The following ANKFN1 variants were observed in gnomAD, a reference collection of about 807,000 sequenced individuals.
The protein encoded by ANKFN1 is ankyrin repeat and fibronectin type III domain containing 1.
ANKFN1 carries 74 observed loss-of-function variants against 108.7 expected under a neutral mutation model. The ratio of observed to expected loss-of-function variants is 0.68; its 90% CI spans 0.56 to 0.83. The LOEUF is 0.83. ANKFN1 is among the 40% of genes least tolerant of loss of function. The pLI, the probability that ANKFN1 is intolerant of heterozygous loss-of-function variation, is 0.00. For synonymous variants in ANKFN1, 547 were observed against 516.2 expected, an observed-to-expected ratio of 1.06 and a Z score of -0.81; for missense variants, 1,505 against 1,382.3, an observed-to-expected ratio of 1.09 and a Z score of -1.41.
At chr17:56,188,526 GAAATA>G (rs1179611630) in intron 1 of ANKFN1, among the ~76,000 whole-genome samples, 5 of 128,368 alleles carry the variant, frequency 3.9e-5, no homozygotes, top group Non-Finnish European at 6.4e-5. Context: ...TTATATATAA[GAAATA>G]AAATAAGATG....
rs114260947 is a variant in ANKFN1, at chr17:56,311,981, C to T, written c.54-14240C>T. 8.4e-3 allele frequency among the ~76,000 whole-genome samples: 1,274 copies of T among 152,274 alleles called. 30 individuals carry two copies. The highest frequency in any genetic ancestry group is 0.029 in the African/African-American group (1,220 of 41,554). ...TCTGATCACAGAATCTAGAACTCTT[C>T]GCGGTCTCCTCTTCAGGCCTATGGT... On this transcript the variant is annotated intron_variant, in intron 3 of 20. Transcript: ENST00000682825.
At chr17:56,382,684 C>T (rs1473467230) in intron 8 of ANKFN1, among the ~76,000 whole-genome samples, 1 of 152,144 alleles carries the variant, frequency 6.6e-6, no homozygotes, top group Non-Finnish European at 1.5e-5. Context: ...CAATCCTAGT[C>T]TCTGATAAAA....
At chr17:56,195,852 G>A (rs975049210) in intron 1 of ANKFN1, among the ~76,000 whole-genome samples, 28 of 151,828 alleles carry the variant, frequency 1.8e-4, no homozygotes, top group African/African-American at 6.8e-4. Flanking sequence ...AATAAAATAA[G>A]GAGAAAAAAT....
At chr17:56,319,899 C>T (rs12945364) in intron 3 of ANKFN1, among the ~76,000 whole-genome samples, 28,583 of 151,910 alleles carry the variant, frequency 0.19, 2,966 homozygotes, top group East Asian at 0.4. Flanking sequence ...AAACAACTAA[C>T]GAAATGTATT....
At chr17:56,184,291 C>A (rs1450706614) in intron 1 of ANKFN1, among the ~76,000 whole-genome samples, 2 of 152,138 alleles carry the variant, frequency 1.3e-5, no homozygotes, top group East Asian at 3.9e-4. Context: ...CCTGATCAGT[C>A]AGCAGCCAGC....
In ANKFN1 at chr17:56,376,654, C is replaced by T. The variant is rs371995565; in HGVS notation, c.910+1940C>T. On this transcript the variant is annotated intron_variant, in intron 8 of 20. Coordinates refer to ENST00000682825, the MANE Select transcript of ANKFN1 (RefSeq NM_001370326.1). The stretch of plus-strand genomic sequence containing the variant: ...CAGACTGTCAGCAATTTAATACTTG[C>T]CCACAATGCCGGCAAATTCTATCCG... Among the ~76,000 whole-genome samples the T allele has an allele frequency of 9.9e-4, 151 of 152,268 alleles. 2 individuals are homozygous for T. The highest frequency in any genetic ancestry group is 3.6e-3 in the African/African-American group (151 of 41,562).
intron 8 of ANKFN1, among the ~76,000 whole-genome samples, chr17:56,417,333 A>G (rs563742556): frequency 2.6e-5 from 4 of 152,256 alleles, no homozygotes; most frequent in Admixed American, 2.0e-4. Flanking sequence ...GTACTCCATT[A>G]ATATATATAC....
rs767410453 is a variant in ANKFN1 at position 56,482,406 on chromosome 17, T to C, written c.2142T>C (p.Asn714=). The change falls in exon 18 of 21, where the codon AAT becomes AAC. Residue 714 remains asparagine, a synonymous_variant. Coordinates refer to ENST00000682825, the MANE Select transcript of ANKFN1 (RefSeq NM_001370326.1). ...AGGAGGTGTTGGAAATGGGTCACAATGTGTCCTTTCTTCTCCTGCTCCCTG... is the reference window on the plus strand; with the variant it reads ...AGGAGGTGTTGGAAATGGGTCACAACGTGTCCTTTCTTCTCCTGCTCCCTG... ...YTQEVLEMGH[N]VSFLLLLPAS... The C allele has an allele frequency of 1.9e-6, 3 of 1,613,332 alleles. No individual in the cohort carries two copies. Among genetic ancestry groups the C allele is most frequent in the Non-Finnish European group, 2.5e-6 (3 of 1,179,590 alleles).
chr17:56,513,903 A>G lies in ANKFN1; in HGVS notation c.*2634A>G, dbSNP rs2051844752. Among the ~76,000 whole-genome samples, 1 of 152,228 alleles carries G rather than the reference A, an allele frequency of 6.6e-6. No individual in the cohort carries two copies. The highest frequency in any genetic ancestry group is 2.4e-5 in the African/African-American group (1 of 41,464). On this transcript the variant is annotated 3_prime_UTR_variant, in exon 21 of 21. Coordinates refer to ENST00000682825, the MANE Select transcript of ANKFN1 (RefSeq NM_001370326.1). The stretch of plus-strand genomic sequence containing the variant: ...AGCTATTATTCAGGTAGGTTTCCCC[A>G]TACCTTCACTTTGCAATATTTTGTG...
intron 4 of ANKFN1, among the ~76,000 whole-genome samples, chr17:56,330,555 A>T (rs528443929): frequency 4.6e-4 from 70 of 152,326 alleles, no homozygotes; most frequent in African/African-American, 1.5e-3. Context: ...CATTTGCATA[A>T]CTGACTTCCT....
At chr17:56,326,644 G>T (rs2045525272) in intron 4 of ANKFN1, among the ~76,000 whole-genome samples, 1 of 152,158 alleles carries the variant, frequency 6.6e-6, no homozygotes, top group Non-Finnish European at 1.5e-5. Flanking sequence ...TTAAGTGCTT[G>T]CATAACTGAT....
intron 4 of ANKFN1, among the ~76,000 whole-genome samples, chr17:56,076,918 A>G (rs1222043234): frequency 6.6e-6 from 1 of 152,234 alleles, no homozygotes; most frequent in Admixed American, 6.5e-5. Context: ...GTCTTATGAT[A>G]GATTTGATTT....
chr17:56,423,122 T>G (rs2048461946), intron 8 of ANKFN1, among the ~76,000 whole-genome samples: 1 of 152,068 alleles, frequency 6.6e-6, no homozygotes, highest in Admixed American at 6.5e-5. Context: ...ACTATTCTCA[T>G]GTAGGGCAAT....
intron 4 of ANKFN1, among the ~76,000 whole-genome samples, chr17:56,121,977 G>T (rs1906653811): frequency 6.6e-6 from 1 of 152,098 alleles, no homozygotes; most frequent in South Asian, 2.1e-4. Context: ...TTGGGCAGTG[G>T]TTATCTAACA....
intron 3 of ANKFN1, among the ~76,000 whole-genome samples, chr17:56,303,851 ATT>A (rs34077118): frequency 2.3e-4 from 30 of 131,936 alleles, no homozygotes; most frequent in African/African-American, 4.7e-4. Flanking sequence ...CGCTGAGCCA[ATT>A]TTTTTTTTTT....
At chr17:56,167,274 C>CATATATAT (rs72093414) in intron 1 of ANKFN1, among the ~76,000 whole-genome samples, 1 of 133,874 alleles carries the variant, frequency 7.5e-6, no homozygotes, top group Non-Finnish European at 1.6e-5. Flanking sequence ...TATATATATA[C>CATATATAT]ATATATATAT....
rs375597074 is a variant in ANKFN1, at chr17:56,260,399, T to C, written c.53+32442T>C. On this transcript the variant is annotated intron_variant, in intron 3 of 20. Transcript: ENST00000682825. ...TTGCCTTTTCTAATGTTATTAAAAA[T>C]CGGTGGTGGTGGTGGTGGGGCGGGG... is the stretch of plus-strand genomic sequence containing the variant. Among the ~76,000 whole-genome samples, 3 of 152,084 alleles carry C rather than the reference T, an allele frequency of 2.0e-5. No homozygotes were observed. The East Asian group carries it at 5.8e-4, about 29-fold the overall frequency.
intron 8 of ANKFN1, among the ~76,000 whole-genome samples, chr17:56,391,106 A>C (rs1284654560): frequency 6.6e-6 from 1 of 150,946 alleles, no homozygotes; most frequent in African/African-American, 2.4e-5. Flanking sequence ...ACACTTCAGA[A>C]GATTTAGACC....
intron 8 of ANKFN1, among the ~76,000 whole-genome samples, chr17:56,405,289 T>G (rs1045332386): frequency 2.6e-5 from 4 of 152,150 alleles, no homozygotes; most frequent in Admixed American, 2.6e-4. Flanking sequence ...AAAAAGATGT[T>G]CAAACTTTCT....
Sources: allele counts gnomAD v4.1 joint callset (sites outside exome capture counted in the v4.1 genomes callset), GRCh38; gene constraint gnomAD v4.1.1; transcripts MANE v1.5; gene names NCBI Gene and HGNC (gene_info 2026-07-23, HGNC 2026-07-21).